PRKN: variants seen among roughly 807,000 people sequenced by gnomAD.
The protein encoded by PRKN is E3 ubiquitin-protein ligase parkin.
In PRKN, 56 loss-of-function variants were observed where a neutral mutation model predicts 59.5. The ratio of observed to expected loss-of-function variants is 0.94; its 90% CI spans 0.76 to 1.18. PRKN has a LOEUF of 1.18. Among genes scored for constraint, PRKN ranks in the 50% most tolerant of loss-of-function variants. PRKN has a pLI of 0.00. For missense variants in PRKN, 657 were observed against 596.4 expected, an observed-to-expected ratio of 1.10 and a Z score of -1.06; for synonymous variants, 250 against 222.1, an observed-to-expected ratio of 1.13 and a Z score of -1.12.
In PRKN at chr6:161,454,947, T is replaced by C. The variant is rs180858551; in HGVS notation, c.1084-68070A>G. Among the ~76,000 whole-genome samples the C allele has an allele frequency of 5.3e-5, 8 of 152,302 alleles. No individual in the cohort carries two copies. ...TTCATAACACTGGTTTCTCTAGACA[T>C]TATATTACATCTAGATTTGTCATAT... On this transcript the variant is annotated intron_variant, in intron 9 of 11. Transcript: ENST00000366898. The surrounding 1 kb of genome is among the most constrained non-coding windows in gnomAD (Gnocchi z 4.6).
At chr6:161,507,699 C>T (rs1448977398) in intron 9 of PRKN, among the ~76,000 whole-genome samples, 1 of 152,110 alleles carries the variant, frequency 6.6e-6, no homozygotes, top group Non-Finnish European at 1.5e-5. Context: ...CCTGATGGTA[C>T]CATGCACAGT....
At chr6:162,209,177 A>C (rs917882630) in intron 3 of PRKN, among the ~76,000 whole-genome samples, 32 of 152,256 alleles carry the variant, frequency 2.1e-4, no homozygotes, top group African/African-American at 7.7e-4. Flanking sequence ...AATGGGAGAA[A>C]ATTTTTGCAA....
At chr6:162,476,041 C>G (rs1791995554) in intron 1 of PRKN, among the ~76,000 whole-genome samples, 1 of 148,254 alleles carries the variant, frequency 6.7e-6, no homozygotes, top group Non-Finnish European at 1.5e-5. Flanking sequence ...GCCACCGCAC[C>G]TGGCCTAACA....
chr6:162,639,845 G>A (rs546201635), intron 1 of PRKN, among the ~76,000 whole-genome samples: 8 of 152,218 alleles, frequency 5.3e-5, no homozygotes, highest in African/African-American at 1.9e-4. Flanking sequence ...CACAGGCCTC[G>A]AGTTTGATCT....
At chr6:161,908,592 A>G (rs1778238322) in intron 6 of PRKN, among the ~76,000 whole-genome samples, 1 of 152,220 alleles carries the variant, frequency 6.6e-6, no homozygotes, top group Non-Finnish European at 1.5e-5. Context: ...ATTACAAGAA[A>G]AAAAAACGAA....
intron 6 of PRKN, among the ~76,000 whole-genome samples, chr6:161,845,122 A>G (rs1793147470): frequency 6.6e-6 from 1 of 152,212 alleles, no homozygotes; most frequent in Non-Finnish European, 1.5e-5. Flanking sequence ...CTGAAAATCA[A>G]TCAACTCTTA....
At chr6:161,776,548 C>T (rs1394506354) in intron 7 of PRKN, among the ~76,000 whole-genome samples, 1 of 152,150 alleles carries the variant, frequency 6.6e-6, no homozygotes, top group Non-Finnish European at 1.5e-5. Flanking sequence ...ATTGAAAATG[C>T]CTTCTTGCTT....
At chr6:161,646,856 G>A (rs1379429778) in intron 7 of PRKN, among the ~76,000 whole-genome samples, 1 of 152,116 alleles carries the variant, frequency 6.6e-6, no homozygotes, top group Non-Finnish European at 1.5e-5. Context: ...TGTACTGATG[G>A]TTCCATTGCT....
chr6:162,710,049 C>A lies in PRKN; in HGVS notation c.7+17613G>T, dbSNP rs572130489. Among the ~76,000 whole-genome samples the A allele has an allele frequency of 4.6e-5, 7 of 152,196 alleles. No homozygotes were observed. In the South Asian group the frequency reaches 1.5e-3, roughly 32 times the overall value. On this transcript the variant is annotated intron_variant, in intron 1 of 11. Transcript: ENST00000366898. ...GGGTGTTATCATGACAAGGGGGCAG[C>A]AAGAAAGACAATGTGGGTGTGGCTG...
intron 4 of PRKN, among the ~76,000 whole-genome samples, chr6:162,139,315 T>C (rs148534672): frequency 2.7e-3 from 416 of 152,242 alleles, no homozygotes; most frequent in African/African-American, 9.7e-3. Context: ...TAGATTAAAA[T>C]TGGGTGAAAA....
intron 2 of PRKN, among the ~76,000 whole-genome samples, chr6:162,420,947 C>T (rs10806758): frequency 0.4 from 60,762 of 151,994 alleles, 12,317 homozygotes; most frequent in East Asian, 0.57. Context: ...CTAAATCAAG[C>T]GATACAGTCG....
chr6:161,962,743 G>T (rs1478385337), intron 6 of PRKN, among the ~76,000 whole-genome samples: 1 of 151,850 alleles, frequency 6.6e-6, no homozygotes, highest in Non-Finnish European at 1.5e-5. Context: ...TGCCATGTTT[G>T]TCAGGCTGGT....
At chr6:162,199,902 C>A (rs1784649557) in intron 4 of PRKN, among the ~76,000 whole-genome samples, 1 of 152,124 alleles carries the variant, frequency 6.6e-6, no homozygotes, top group Non-Finnish European at 1.5e-5. Flanking sequence ...CCACCTTGAC[C>A]CTGGCCCACA....
chr6:161,972,222 C>T (rs1448452023), intron 6 of PRKN, among the ~76,000 whole-genome samples: 2 of 149,338 alleles, frequency 1.3e-5, no homozygotes, highest in African/African-American at 2.5e-5. Context: ...TGCAGTGAGC[C>T]GAGATCCCGC....
At chr6:162,008,071 C>T (rs1166646040) in intron 5 of PRKN, among the ~76,000 whole-genome samples, 1 of 152,096 alleles carries the variant, frequency 6.6e-6, no homozygotes, top group Non-Finnish European at 1.5e-5. Context: ...GGATAAGAGG[C>T]ATAACTGGAT....
At position 161,507,168 on chromosome 6, in the gene PRKN, A is replaced by G. The variant is rs577045090; in HGVS notation, c.1083+41686T>C. Among the ~76,000 whole-genome samples, 9 of 152,318 alleles carry G rather than the reference A, an allele frequency of 5.9e-5. No homozygotes were observed. The East Asian group carries it at 1.7e-3, about 29-fold the overall frequency. On this transcript the variant is annotated intron_variant, in intron 9 of 11. Coordinates refer to ENST00000366898, the MANE Select transcript of PRKN (RefSeq NM_004562.3). ...GAACTTTTTGCCACTTAAGTTGGAC[A>G]CCTGCCAAGGAAGGAAGGTGTGCGG... is the stretch of plus-strand genomic sequence containing the variant.
At chr6:161,906,797 T>C (rs1778167098) in intron 6 of PRKN, among the ~76,000 whole-genome samples, 1 of 151,612 alleles carries the variant, frequency 6.6e-6, no homozygotes, top group African/African-American at 2.4e-5. Flanking sequence ...CAGTCTGTGG[T>C]TTAAGGTCCA....
rs950104029 is a variant in PRKN at position 161,402,145 on chromosome 6, A to G, written c.1084-15268T>C. Among the ~76,000 whole-genome samples the G allele has an allele frequency of 1.3e-5, 2 of 152,102 alleles. No homozygotes were observed. The highest frequency in any genetic ancestry group is 4.8e-5 in the African/African-American group (2 of 41,410). On this transcript the variant is annotated intron_variant, in intron 9 of 11. Coordinates refer to ENST00000366898, the MANE Select transcript of PRKN (RefSeq NM_004562.3). The surrounding 1 kb of genome is among the most constrained non-coding windows in gnomAD (Gnocchi z 4.5). ...GGCCAGGCTCTAAAGGCTCCTCTGGATGCCTGTTGGCCAAAGATAACTCAT... is the reference window on the plus strand; with the variant it reads ...GGCCAGGCTCTAAAGGCTCCTCTGGGTGCCTGTTGGCCAAAGATAACTCAT...
intron 7 of PRKN, among the ~76,000 whole-genome samples, chr6:161,778,589 T>G (rs1165083024): frequency 3.3e-5 from 5 of 152,136 alleles, no homozygotes; most frequent in Non-Finnish European, 7.3e-5. Context: ...AATGGACCAC[T>G]CTTCAGAGAA....
Sources: allele counts gnomAD v4.1 joint callset (sites outside exome capture counted in the v4.1 genomes callset), GRCh38; gene constraint gnomAD v4.1.1; non-coding constraint Gnocchi (gnomAD v3.1); transcripts MANE v1.5; gene names NCBI Gene and HGNC (gene_info 2026-07-23, HGNC 2026-07-21).